Variants in ALDH8A1 observed in about 807,000 individuals in gnomAD.
ALDH8A1 encodes the protein aldehyde dehydrogenase 8 family member A1.
ALDH8A1 carries 39 observed loss-of-function variants against 43.3 expected under a neutral mutation model. That is an observed-to-expected ratio of 0.90 (90% CI 0.70 to 1.18). ALDH8A1 has a LOEUF of 1.18. Ranked by LOEUF, ALDH8A1 falls within the 50% of genes most tolerant of loss-of-function variation. The pLI is 0.00. For missense variants in ALDH8A1, 605 were observed against 622.6 expected (o/e 0.97, Z 0.30); for synonymous variants, 233 against 243.5 (o/e 0.96, Z 0.40).
chr6:134,920,042 C>T (rs976252918), intron 6 of ALDH8A1, among the ~76,000 whole-genome samples: 2 of 152,148 alleles, frequency 1.3e-5, no homozygotes, highest in African/African-American at 4.8e-5. Flanking sequence ...TCTCGAGTAG[C>T]TGAGCCTATA....
chr6:134,923,706 G>A (rs1776841090), intron 6 of ALDH8A1, among the ~76,000 whole-genome samples: 5 of 152,052 alleles, frequency 3.3e-5, no homozygotes. Context: ...TATAATAAGT[G>A]GTTTAGATCT....
At chr6:134,945,776 A>G (rs1379676191) in intron 1 of ALDH8A1, among the ~76,000 whole-genome samples, 1 of 152,044 alleles carries the variant, frequency 6.6e-6, no homozygotes, top group Non-Finnish European at 1.5e-5. Flanking sequence ...CCCTCATGCA[A>G]AACCTGACCC....
At position 134,918,135 on chromosome 6, in the gene ALDH8A1, T is replaced by C. The variant is rs1198617820; in HGVS notation, c.*280A>G. The C allele has an allele frequency of 2.4e-6, 1 of 420,024 alleles. No individual in the cohort carries two copies. Among genetic ancestry groups the C allele is most frequent in the Non-Finnish European group, 4.2e-6 (1 of 236,262 alleles). The allele number at this position is 420,024 out of a possible 1,614,324, so 26.0% of individuals were successfully genotyped here. A position where few individuals can be genotyped will look rare whatever the true frequency, so the allele number is the denominator to read the frequency against. On this transcript the variant is annotated 3_prime_UTR_variant, in exon 7 of 7. Coordinates refer to ENST00000265605, the MANE Select transcript of ALDH8A1 (RefSeq NM_022568.4). The stretch of plus-strand genomic sequence containing the variant: ...ATTCCCAAGAGTTCAATGAAGATGA[T>C]GAAAGAAACACTATGAAAACATAAC...
chr6:134,933,793 C>T (rs1773673018), intron 4 of ALDH8A1, among the ~76,000 whole-genome samples: 1 of 152,206 alleles, frequency 6.6e-6, no homozygotes, highest in African/African-American at 2.4e-5. Flanking sequence ...ACTGCAACCT[C>T]TGCCTCCCAG....
intron 5 of ALDH8A1, among the ~76,000 whole-genome samples, chr6:134,931,271 GT>G (rs1212971640): frequency 6.6e-6 from 1 of 152,124 alleles, no homozygotes; most frequent in African/African-American, 2.4e-5. Context: ...TTGTTTGTTT[GT>G]TTGTTTTTGA....
intron 6 of ALDH8A1, among the ~76,000 whole-genome samples, chr6:134,921,553 C>A (rs1173757369): frequency 6.6e-6 from 1 of 152,244 alleles, no homozygotes; most frequent in Non-Finnish European, 1.5e-5. Flanking sequence ...TAGGAGCATG[C>A]TGTATCTCCA....
intron 3 of ALDH8A1, chr6:134,940,254 T>C (rs1221056856): frequency 6.1e-6 from 2 of 329,040 alleles, no homozygotes; most frequent in South Asian, 5.0e-5. Context: ...AAAAAACAGT[T>C]GTCACCTGTC....
chr6:134,946,960 C>T (rs1260990174), intron 1 of ALDH8A1, among the ~76,000 whole-genome samples: 1 of 152,226 alleles, frequency 6.6e-6, no homozygotes, highest in Non-Finnish European at 1.5e-5. Context: ...ACTGATTGCA[C>T]ACTACCAGAC....
intron 3 of ALDH8A1, 41 bp from the exon 4 acceptor site, chr6:134,939,456 C>A: frequency 6.3e-7 from 1 of 1,598,502 alleles, no homozygotes; most frequent in Non-Finnish European, 8.5e-7. Flanking sequence ...GACGGCATAC[C>A]CCTCTGAGGT....
Position 134,949,913 on chromosome 6 carries a change from C to A in ALDH8A1, c.138+3G>T. ...TCAGTCTTCTTTAAGTGCATATACT[C>A]ACCTCGTCTTTTCCACTATTTGGCA... On this transcript the variant is annotated splice_donor_region_variant and intron_variant, in intron 1 of 6. Transcript: ENST00000265605. The A allele has an allele frequency of 6.3e-7, 1 of 1,590,436 alleles. No individual in the cohort carries two copies.
chr6:134,928,908 G>T, intron 6 of ALDH8A1, 146 bp downstream of exon 6: 1 of 777,288 alleles, frequency 1.3e-6, no homozygotes, highest in Non-Finnish European at 2.0e-6. Flanking sequence ...TTTAGACTCT[G>T]TGTCCACAAT....
At chr6:134,943,518 A>G (rs1773897442) in intron 2 of ALDH8A1, among the ~76,000 whole-genome samples, 1 of 152,184 alleles carries the variant, frequency 6.6e-6, no homozygotes, top group Admixed American at 6.5e-5. Flanking sequence ...ATCTCTCCCT[A>G]TATCCATGCC....
At chr6:134,923,461 G>T (rs1277394998) in intron 6 of ALDH8A1, among the ~76,000 whole-genome samples, 1 of 151,932 alleles carries the variant, frequency 6.6e-6, no homozygotes, top group Non-Finnish European at 1.5e-5. Context: ...TTTTAATGTG[G>T]TCAGAAAAAT....
At chr6:134,925,859 G>A (rs923016090) in intron 6 of ALDH8A1, among the ~76,000 whole-genome samples, 1 of 152,178 alleles carries the variant, frequency 6.6e-6, no homozygotes, top group Non-Finnish European at 1.5e-5. Flanking sequence ...GAAGGGGAAG[G>A]AGAGAGCCAT....
chr6:134,936,702 G>A (rs1455792787), intron 4 of ALDH8A1, among the ~76,000 whole-genome samples: 1 of 152,186 alleles, frequency 6.6e-6, no homozygotes, highest in African/African-American at 2.4e-5. Context: ...CTTTCCCCAC[G>A]ACAGTATTAT....
intron 1 of ALDH8A1, among the ~76,000 whole-genome samples, chr6:134,944,590 A>T (rs192494743): frequency 2.6e-5 from 4 of 152,284 alleles, no homozygotes; most frequent in Non-Finnish European, 4.4e-5. Context: ...TAGAATTTTT[A>T]AAAATATTGT....
rs145343217 is a variant in ALDH8A1, at chr6:134,934,421, G to C, written c.593-1389C>G. The stretch of plus-strand genomic sequence containing the variant: ...AACCAAATTTTCCTCCCTCTTTGCA[G>C]TTTGGATGTGACAGCTCACCAGTCT... On this transcript the variant is annotated intron_variant, in intron 4 of 6. Coordinates refer to ENST00000265605, the MANE Select transcript of ALDH8A1 (RefSeq NM_022568.4). Among the ~76,000 whole-genome samples, 1,233 of 152,242 alleles carry C rather than the reference G, an allele frequency of 8.1e-3. 38 individuals are homozygous for C. Among genetic ancestry groups the C allele is most frequent in the Admixed American group, 0.067 (1,020 of 15,288 alleles).
At chr6:134,939,005 CTGTT>C (rs1220904843) in intron 4 of ALDH8A1, among the ~76,000 whole-genome samples, 1 of 152,092 alleles carries the variant, frequency 6.6e-6, no homozygotes, top group Admixed American at 6.5e-5. Context: ...TTTGATGGGG[CTGTT>C]TAAGTCTGCG....
intron 2 of ALDH8A1, among the ~76,000 whole-genome samples, chr6:134,943,255 A>C (rs918432822): frequency 1.3e-5 from 2 of 152,236 alleles, no homozygotes; most frequent in South Asian, 4.1e-4. Flanking sequence ...TTTATGGCAC[A>C]CATGTAATTT....
Sources: allele counts gnomAD v4.1 joint callset (sites outside exome capture counted in the v4.1 genomes callset), GRCh38; gene constraint gnomAD v4.1.1; transcripts MANE v1.5; gene names NCBI Gene and HGNC (gene_info 2026-07-23, HGNC 2026-07-21).